ACTR8: variants seen among roughly 807,000 people sequenced by gnomAD.
ACTR8 encodes the protein actin related protein 8.
Under a neutral mutation model 84.3 loss-of-function variants are expected in ACTR8, and 70 were observed. The ratio of observed to expected loss-of-function variants is 0.83; its 90% CI spans 0.68 to 1.01. The LOEUF (loss-of-function observed/expected upper bound fraction) is 1.01, where lower values mean the gene tolerates loss of function less well. Ranked by LOEUF, ACTR8 falls within the 50% of genes least tolerant of loss-of-function variation. The pLI, the probability that ACTR8 is intolerant of heterozygous loss-of-function variation, is 0.00. For missense variants in ACTR8, 672 were observed against 775.4 expected (o/e 0.87, Z 1.58); for synonymous variants, 268 against 275.2 (o/e 0.97, Z 0.26).
At chr3:53,879,876 T>C in intron 2 of ACTR8, 63 bp downstream of exon 2, 1 of 1,443,484 alleles carries the variant, frequency 6.9e-7, no homozygotes, top group Non-Finnish European at 9.4e-7. Flanking sequence ...TCTGGTGTAC[T>C]TGTGTCTAAG....
At chr3:53,881,807 C>G (rs1410823805) in intron 1 of ACTR8, 172 bp downstream of exon 1, 1 of 1,119,280 alleles carries the variant, frequency 8.9e-7, no homozygotes, top group Non-Finnish European at 1.3e-6. Context: ...CCTCCCAGCC[C>G]TCGGCGTCCC....
At chr3:53,868,948 CT>C (rs1326799050) in intron 12 of ACTR8, 86 bp from the exon 13 acceptor site, 2 of 1,510,884 alleles carry the variant, frequency 1.3e-6, no homozygotes, top group Non-Finnish European at 8.9e-7. Flanking sequence ...AGAAAAATCC[CT>C]GCTGAGTCAA....
rs371698089 is a variant in ACTR8 at position 53,882,104 on chromosome 3, T to C, written c.-3A>G. 2.2e-5 allele frequency: 34 copies of C among 1,551,306 alleles called. No individual in the cohort carries two copies. Among genetic ancestry groups the C allele is most frequent in the Non-Finnish European group, 2.8e-5 (32 of 1,146,780 alleles). On this transcript the variant is annotated 5_prime_UTR_variant, in exon 1 of 13. Transcript: ENST00000335754. The stretch of plus-strand genomic sequence containing the variant: ...TCACCCTTCTCAGCCTGGGTCATTA[T>C]GGCCGGAGACACCCACCAACCTCTC...
At chr3:53,866,582 C>G (rs562483802), downstream of ACTR8, among the ~76,000 whole-genome samples, 6 of 151,884 alleles carry the variant, frequency 4.0e-5, no homozygotes, top group Non-Finnish European at 8.8e-5. Flanking sequence ...TCCGGGTTCA[C>G]GCCATTCTCC....
At chr3:53,862,839 A>G (rs150148708), downstream of ACTR8, among the ~76,000 whole-genome samples, 118 of 152,324 alleles carry the variant, frequency 7.7e-4, no homozygotes, top group African/African-American at 2.7e-3. Context: ...CCATATACAA[A>G]TATTTTTAGA....
chr3:53,873,829 T>C (rs1699925905), intron 8 of ACTR8, among the ~76,000 whole-genome samples: 1 of 152,148 alleles, frequency 6.6e-6, no homozygotes, highest in Non-Finnish European at 1.5e-5. Context: ...TTTATTTATT[T>C]ATTTATTTAT....
intron 4 of ACTR8, 62 bp from the exon 5 acceptor site, chr3:53,877,449 T>C (rs1559794708): frequency 1.3e-6 from 2 of 1,489,080 alleles, no homozygotes; most frequent in South Asian, 2.6e-5. Flanking sequence ...TTTTCTGGAT[T>C]CATATCCAAA....
chr3:53,874,177 C>A, intron 8 of ACTR8, 34 bp downstream of exon 8: 2 of 1,571,398 alleles, frequency 1.3e-6, no homozygotes, highest in Non-Finnish European at 1.7e-6. Flanking sequence ...TTCCTAGAAA[C>A]AAAAATAATC....
Position 53,870,969 on chromosome 3 carries a change from G to A in ACTR8, c.1567+263C>T, listed in dbSNP as rs1488651874. Reference sequence around the variant, plus strand: ...CAGGTGCTACAAAGTTTATCTAAAGGGTACTGACTGCTTAGTAGTGGCCTG... The same window carrying A: ...CAGGTGCTACAAAGTTTATCTAAAGAGTACTGACTGCTTAGTAGTGGCCTG... On this transcript the variant is annotated intron_variant, in intron 11 of 12. Coordinates refer to ENST00000335754, the MANE Select transcript of ACTR8 (RefSeq NM_022899.5). This position sits in a 1 kb window ranked among gnomAD's most constrained non-coding sequence, Gnocchi z 4.1. Among the ~76,000 whole-genome samples, 1 of 152,174 alleles carries A rather than the reference G, an allele frequency of 6.6e-6. No homozygotes were observed. Among genetic ancestry groups the A allele is most frequent in the African/African-American group, 2.4e-5 (1 of 41,448 alleles).
intron 7 of ACTR8, among the ~76,000 whole-genome samples, chr3:53,874,993 C>G (rs1416191932): frequency 2.0e-5 from 3 of 152,214 alleles, no homozygotes; most frequent in Admixed American, 6.5e-5. Flanking sequence ...GTGGTCTACA[C>G]TCACTAGCAT....
At chr3:53,871,559 C>G (rs1001979740) in intron 10 of ACTR8, 63 bp from the exon 11 acceptor site, 25 of 1,556,482 alleles carry the variant, frequency 1.6e-5, no homozygotes, top group Middle Eastern at 1.7e-4. Context: ...TTGATGTTGT[C>G]TAGCTAGATC....
chr3:53,880,767 C>T (rs2107078167), intron 1 of ACTR8, among the ~76,000 whole-genome samples: 1 of 152,308 alleles, frequency 6.6e-6, no homozygotes, highest in Admixed American at 6.5e-5. Context: ...AAGTGTCTTC[C>T]ACACTGTTCT....
chr3:53,865,340 C>A (rs1338108451), downstream of ACTR8: 5 of 1,524,742 alleles, frequency 3.3e-6, no homozygotes, highest in African/African-American at 5.5e-5. Flanking sequence ...ACCTTAAAGG[C>A]TTCCTATCCC....
At position 53,874,414 on chromosome 3, in the gene ACTR8, G is replaced by A. The variant is rs1220065610; in HGVS notation, c.912-50C>T. ...TGGTTAATCTGTTGGTTAAGAAGGT[G>A]CAAAAGGTGTTTGAAGAAATCCATT... On this transcript the variant is annotated intron_variant, in intron 7 of 12. Coordinates refer to ENST00000335754, the MANE Select transcript of ACTR8 (RefSeq NM_022899.5). The A allele has an allele frequency of 2.5e-6, 4 of 1,573,408 alleles. No homozygotes were observed. In the African/African-American group the frequency reaches 4.1e-5, roughly 16 times the overall value.
Position 53,876,084 on chromosome 3 carries a change from G to GC in ACTR8, c.779-5_779-4insG, listed in dbSNP as rs762270577. On this transcript the variant is annotated splice_region_variant and splice_polypyrimidine_tract_variant and intron_variant, in intron 6 of 12. Transcript: ENST00000335754. ...GACTCCTGATGGACCACAATCCCTGGGGGGGGAAAAGAAAAGGCAGAGTAG... is the reference window on the plus strand; with the variant it reads ...GACTCCTGATGGACCACAATCCCTGGCGGGGGGAAAAGAAAAGGCAGAGTAG... The GC allele has an allele frequency of 3.7e-5, 59 of 1,582,006 alleles. No individual in the cohort carries two copies. Among genetic ancestry groups the GC allele is most frequent in the Middle Eastern group, 3.3e-4 (2 of 6,020 alleles).
rs1699834777 is a variant in ACTR8 at position 53,868,731 on chromosome 3, C to T, written c.1863G>A (p.Ala621=). The T allele has an allele frequency of 1.2e-6, 2 of 1,614,066 alleles. No individual in the cohort carries two copies. The highest frequency in any genetic ancestry group is 1.1e-5 in the South Asian group (1 of 91,064). ...FGVRMLRERA[A]FVW Reference sequence around the variant, plus strand: ...ATTTCCTCCCCATTCACCACACAAACGCAGCCCGCTCTCGTAACATGCGGA... The same window carrying T: ...ATTTCCTCCCCATTCACCACACAAATGCAGCCCGCTCTCGTAACATGCGGA... The change falls in exon 13 of 13, where the codon GCG becomes GCA. Residue 621 remains alanine, a synonymous_variant. Coordinates refer to ENST00000335754, the MANE Select transcript of ACTR8 (RefSeq NM_022899.5).
intron 12 of ACTR8, 101 bp downstream of exon 12, chr3:53,869,881 A>T (rs986645483): frequency 2.1e-6 from 3 of 1,403,376 alleles, no homozygotes; most frequent in Non-Finnish European, 2.9e-6. Flanking sequence ...GCCCTCAAGA[A>T]CTCCTCAGAC....
downstream of ACTR8, chr3:53,865,004 G>A: frequency 6.2e-7 from 1 of 1,614,202 alleles, no homozygotes; most frequent in Non-Finnish European, 8.5e-7. Flanking sequence ...GACGTCAACA[G>A]TGTGTGCGAT....
downstream of ACTR8, among the ~76,000 whole-genome samples, chr3:53,863,609 G>A (rs764857391): frequency 1.3e-5 from 2 of 152,124 alleles, no homozygotes; most frequent in African/African-American, 4.8e-5. Context: ...TTACAGCACC[G>A]TATAGGGCAG....
Sources: allele counts gnomAD v4.1 joint callset (sites outside exome capture counted in the v4.1 genomes callset), GRCh38; gene constraint gnomAD v4.1.1; non-coding constraint Gnocchi (gnomAD v3.1); transcripts MANE v1.5; gene names NCBI Gene and HGNC (gene_info 2026-07-23, HGNC 2026-07-21).